Variants in PRKD3 observed in about 807,000 individuals in gnomAD.
PRKD3 encodes the protein protein kinase D3, also known as serine/threonine-protein kinase D3.
In PRKD3, 47 loss-of-function variants were observed where a neutral mutation model predicts 99.2. That is an observed-to-expected ratio of 0.47 (90% CI 0.38 to 0.60). The LOEUF (loss-of-function observed/expected upper bound fraction) is 0.60, where lower values mean the gene tolerates loss of function less well. PRKD3 is among the 20% of genes least tolerant of loss of function. The pLI is 0.00. For synonymous variants in PRKD3, 392 were observed against 355.4 expected (o/e 1.10, Z -1.16); for missense variants, 1,019 against 1,088.4 (o/e 0.94, Z 0.90).
At chr2:37,308,146 G>C (rs1432888246) in intron 2 of PRKD3, among the ~76,000 whole-genome samples, 1 of 152,140 alleles carries the variant, frequency 6.6e-6, no homozygotes, top group African/African-American at 2.4e-5. Context: ...ACCAAGTGTT[G>C]AGATCAGTTT....
chr2:37,256,479 CAGAT>C (rs1196638268), intron 17 of PRKD3, among the ~76,000 whole-genome samples, 179 bp downstream of exon 17: 2 of 151,922 alleles, frequency 1.3e-5, no homozygotes, highest in Non-Finnish European at 2.9e-5. Context: ...ACAGAAGACA[CAGAT>C]AAAAGTATAA....
intron 1 of PRKD3, among the ~76,000 whole-genome samples, chr2:37,322,504 A>G (rs1404550166): frequency 1.3e-5 from 2 of 152,214 alleles, no homozygotes; most frequent in Non-Finnish European, 1.5e-5. Context: ...CAGGAACTGA[A>G]AAGTTTATCC....
intron 2 of PRKD3, among the ~76,000 whole-genome samples, chr2:37,312,462 TC>T (rs1671471050): frequency 6.6e-6 from 1 of 152,228 alleles, no homozygotes. Context: ...ACTACATATT[TC>T]AAGTCAAAGT....
intron 2 of PRKD3, among the ~76,000 whole-genome samples, chr2:37,301,791 AT>A (rs765593151): frequency 1.6e-4 from 25 of 152,344 alleles, no homozygotes; most frequent in Non-Finnish European, 2.1e-4. Context: ...AGGTGATGAC[AT>A]GTTTAAGTAA....
rs1475074665 is a variant in PRKD3, at chr2:37,250,546, G to A, written c.*2631C>T. The stretch of plus-strand genomic sequence containing the variant: ...ATGAGCTTTTTTTTATTTTTGGCAG[G>A]TTAAAAAAAAATCAGTGTTTTTAAA... On this transcript the variant is annotated 3_prime_UTR_variant, in exon 19 of 19. Coordinates refer to ENST00000234179, the MANE Select transcript of PRKD3 (RefSeq NM_005813.6). The A allele has an allele frequency of 6.6e-6, 1 of 151,296 alleles. No individual in the cohort carries two copies. Among genetic ancestry groups the A allele is most frequent in the African/African-American group, 2.4e-5 (1 of 41,172 alleles). The allele number at this position is 151,296 out of a possible 1,614,324, so 9.4% of individuals were successfully genotyped here.
chr2:37,268,176 C>G, intron 13 of PRKD3: 1 of 368,688 alleles, frequency 2.7e-6, no homozygotes, highest in Non-Finnish European at 5.5e-6. Flanking sequence ...AAATATGTAT[C>G]TGACTTGCTC....
chr2:37,320,978 T>C (rs1042785344), intron 1 of PRKD3, among the ~76,000 whole-genome samples: 5 of 152,218 alleles, frequency 3.3e-5, no homozygotes, highest in Admixed American at 6.5e-5. Context: ...GTTTGGTTTA[T>C]GGACCCCAGA....
In PRKD3 at chr2:37,300,401, G is replaced by T. The variant is rs74861613; in HGVS notation, c.289-7130C>A. 1.5e-3 allele frequency among the ~76,000 whole-genome samples: 235 copies of T among 152,178 alleles called. 1 individual carries two copies. Among genetic ancestry groups the T allele is most frequent in the African/African-American group, 5.3e-3 (222 of 41,520 alleles). ...GGGTAGTGGGTGGGGGGAATAAAAG[G>T]GTTGGTTAATGATTACAAAACTACA... On this transcript the variant is annotated intron_variant, in intron 2 of 18. Coordinates refer to ENST00000234179, the MANE Select transcript of PRKD3 (RefSeq NM_005813.6).
At position 37,314,177 on chromosome 2, in the gene PRKD3, T is replaced by C. The variant is rs141990662; in HGVS notation, c.288+2060A>G. ...AGAAGATTTGAACACTATCAACCAA[T>C]TGACCCAACTGACATTTATAGAAAA... On this transcript the variant is annotated intron_variant, in intron 2 of 18. Transcript: ENST00000234179. Among the ~76,000 whole-genome samples the C allele has an allele frequency of 3.9e-3, 600 of 152,224 alleles. 2 individuals carry two copies. The highest frequency in any genetic ancestry group is 7.3e-3 in the Non-Finnish European group (496 of 67,996).
At chr2:37,320,590 C>A (rs1263593586) in intron 1 of PRKD3, among the ~76,000 whole-genome samples, 2 of 151,900 alleles carry the variant, frequency 1.3e-5, no homozygotes, top group African/African-American at 2.4e-5. Flanking sequence ...CATCACCATA[C>A]CTGGCTCATT....
intron 2 of PRKD3, among the ~76,000 whole-genome samples, chr2:37,308,759 T>C (rs1433513931): frequency 6.6e-6 from 1 of 152,024 alleles, no homozygotes; most frequent in Non-Finnish European, 1.5e-5. Flanking sequence ...CCAGCTAGTG[T>C]CAGGTATTAA....
intron 10 of PRKD3, among the ~76,000 whole-genome samples, chr2:37,275,163 A>T (rs1669502531): frequency 6.6e-6 from 1 of 151,752 alleles, no homozygotes; most frequent in East Asian, 1.9e-4. Flanking sequence ...TGTAGCAATC[A>T]TTATATTTTT....
chr2:37,263,879 T>C (rs577536409), intron 14 of PRKD3, among the ~76,000 whole-genome samples: 1 of 152,352 alleles, frequency 6.6e-6, no homozygotes, highest in East Asian at 1.9e-4. Flanking sequence ...TCATTTTTCT[T>C]ATAGCTTTGG....
At chr2:37,272,984 T>C (rs1316416958) in intron 11 of PRKD3, among the ~76,000 whole-genome samples, 6 of 43,732 alleles carry the variant, frequency 1.4e-4, no homozygotes, top group African/African-American at 5.3e-4. Context: ...TGTCTCTTGG[T>C]GGGGGGAGGG....
At chr2:37,282,005 G>A (rs1669877523) in intron 7 of PRKD3, among the ~76,000 whole-genome samples, 1 of 152,196 alleles carries the variant, frequency 6.6e-6, no homozygotes, top group South Asian at 2.1e-4. Flanking sequence ...AGGCAGTATA[G>A]TGTGTTCTAA....
intron 2 of PRKD3, among the ~76,000 whole-genome samples, chr2:37,307,447 C>T (rs925078446): frequency 2.6e-5 from 4 of 152,080 alleles, no homozygotes; most frequent in Non-Finnish European, 4.4e-5. Flanking sequence ...ACTAAGGCAC[C>T]GGATATATGA....
At chr2:37,277,161 C>G (rs1669614022) in intron 9 of PRKD3, among the ~76,000 whole-genome samples, 3 of 152,110 alleles carry the variant, frequency 2.0e-5, no homozygotes, top group African/African-American at 7.2e-5. Flanking sequence ...AAATAAAATA[C>G]TAGCTACTAA....
chr2:37,275,902 G>A, intron 9 of PRKD3, 58 bp from the exon 10 acceptor site: 1 of 1,542,818 alleles, frequency 6.5e-7, no homozygotes, highest in Non-Finnish European at 8.7e-7. Context: ...CAAAGTGCTT[G>A]TACCTAACTT....
At chr2:37,261,359 T>C (rs924194749) in intron 14 of PRKD3, among the ~76,000 whole-genome samples, 6 of 151,978 alleles carry the variant, frequency 3.9e-5, no homozygotes, top group African/African-American at 1.5e-4. Flanking sequence ...TGGTGACAGG[T>C]ATCTGTAAAC....
Sources: gnomAD v4.1 joint callset for allele counts (sites outside exome capture counted in the v4.1 genomes callset) on GRCh38, gnomAD v4.1.1 for gene constraint, MANE v1.5 for transcripts, NCBI Gene and HGNC (gene_info 2026-07-23, HGNC 2026-07-21) for gene names.